The following IFT172 variants were observed in gnomAD, a reference collection of about 807,000 sequenced individuals.
IFT172 encodes intraflagellar transport protein 172 homolog.
In IFT172, 164 loss-of-function variants were observed where a neutral mutation model predicts 248.9. That is an observed-to-expected ratio of 0.66 (90% CI 0.58 to 0.75). IFT172 has a LOEUF of 0.75. Ranked by LOEUF, IFT172 falls within the 30% of genes least tolerant of loss-of-function variation. The pLI is 0.00. For synonymous variants in IFT172, 729 were observed against 791.6 expected (o/e 0.92, Z 1.33); for missense variants, 1,950 against 2,192.4 (o/e 0.89, Z 2.21).
At chr2:27,461,907 C>T in intron 20 of IFT172, 71 bp from the exon 21 acceptor site, 1 of 1,565,494 alleles carries the variant, frequency 6.4e-7, no homozygotes, top group Non-Finnish European at 8.8e-7. Context: ...AAGCTCTCCT[C>T]AGCCTGGCTA....
Position 27,453,518 on chromosome 2 carries a change from G to T in IFT172, c.3822-5C>A, listed in dbSNP as rs1041182585. On this transcript the variant is annotated splice_polypyrimidine_tract_variant and splice_region_variant and intron_variant, in intron 34 of 47. Transcript: ENST00000260570. Reference sequence around the variant, plus strand: ...TCCACAAATCCCTCCACACCCCTGTGGAGATGAGAGCGCTGGGACTTGGCA... The same window carrying T: ...TCCACAAATCCCTCCACACCCCTGTTGAGATGAGAGCGCTGGGACTTGGCA... 1.2e-6 allele frequency: 2 copies of T among 1,613,652 alleles called. No homozygotes were observed. The highest frequency in any genetic ancestry group is 1.7e-6 in the Non-Finnish European group (2 of 1,179,692).
At chr2:27,476,802 T>A in intron 13 of IFT172, 76 bp from the exon 14 acceptor site, 2 of 817,076 alleles carry the variant, frequency 2.4e-6, no homozygotes, top group Non-Finnish European at 4.2e-6. Context: ...TGAAGTACCA[T>A]ATGGGATGAA....
At chr2:27,469,878 G>C (rs921166248) in intron 16 of IFT172, among the ~76,000 whole-genome samples, 1 of 151,988 alleles carries the variant, frequency 6.6e-6, no homozygotes. Flanking sequence ...AATAAGATTA[G>C]AACTAAAATA....
chr2:27,445,389 C>G lies in IFT172; in HGVS notation c.4975G>C (p.Glu1659Gln), dbSNP rs1488810130. 4 of 1,612,768 alleles carry G rather than the reference C, an allele frequency of 2.5e-6. No individual in the cohort carries two copies. The highest frequency in any genetic ancestry group is 1.3e-5 in the African/African-American group (1 of 74,860). ...VLTVSMDQRL[E>Q]QVLPRDERGA... ...CGCTCATCCCGAGGCAGAACCTGCTCCAGCCGCTGGTCCATGGAGACTGTA... is the reference window on the plus strand; with the variant it reads ...CGCTCATCCCGAGGCAGAACCTGCTGCAGCCGCTGGTCCATGGAGACTGTA... The change falls in exon 46 of 48, where the codon GAG becomes CAG. Residue 1659 changes from glutamate to glutamine, a missense_variant. Transcript: ENST00000260570. This position sits in a 1 kb window ranked among gnomAD's most constrained non-coding sequence, Gnocchi z 4.4.
At chr2:27,453,926 T>C in intron 33 of IFT172, 56 bp downstream of exon 33, 1 of 1,547,444 alleles carries the variant, frequency 6.5e-7, no homozygotes. Context: ...TGTGGCTCTC[T>C]GTGGGCTCTT....
Position 27,484,264 on chromosome 2 carries a change from C to T in IFT172, c.299G>A (p.Gly100Asp), listed in dbSNP as rs77414825. ...CTTGTTGCAGATGACTTTCTTGTCA[C>T]CCCTGCCAAACAAAAGAAGGGGAAA... Reference protein sequence around the residue: ...IYVYKIGEDWGDKKVICNKFI... With the variant: ...IYVYKIGEDWDDKKVICNKFI... Residue 100 changes from glycine (G) to aspartate (D), a missense_variant and splice_region_variant, in exon 4 of 48, where the codon GGT becomes GAT. By Grantham distance (94) the Gly-to-Asp change is moderately conservative. Coordinates refer to ENST00000260570, the MANE Select transcript of IFT172 (RefSeq NM_015662.3). The T allele has an allele frequency of 1.2e-6, 2 of 1,613,882 alleles. No homozygotes were observed. Among genetic ancestry groups the T allele is most frequent in the Non-Finnish European group, 1.7e-6 (2 of 1,179,862 alleles).
At chr2:27,489,490 G>T in intron 1 of IFT172, 125 bp downstream of exon 1, 1 of 685,246 alleles carries the variant, frequency 1.5e-6, no homozygotes, top group Non-Finnish European at 2.5e-6. Flanking sequence ...CCAAGATCCA[G>T]ATCATCGCTA....
At position 27,461,028 on chromosome 2, in the gene IFT172, G is replaced by C. The variant is rs537094673; in HGVS notation, c.2508C>G (p.Asn836Lys). The change falls in exon 23 of 48, where the codon AAC becomes AAG. Residue 836 changes from asparagine (N) to lysine (K), a missense_variant. This residue lies in a region of IFT172 where 1,166 missense variants were observed against 1,254.1 expected (regional missense o/e 0.93). Transcript: ENST00000260570. ...GGTGGCTAGTACCTTTCATGAATGC[G>C]TTGCCTTTACGGTAGCACTCCAGGG... ...QKALECYRKG[N>K]AFMKAVELAR... 2 of 1,614,100 alleles carry C rather than the reference G, an allele frequency of 1.2e-6. No homozygotes were observed. Among genetic ancestry groups the C allele is most frequent in the Non-Finnish European group, 1.7e-6 (2 of 1,180,028 alleles).
chr2:27,482,295 T>C lies in IFT172; in HGVS notation c.570+994A>G, dbSNP rs185731929. Among the ~76,000 whole-genome samples, 1,374 of 150,604 alleles carry C rather than the reference T, an allele frequency of 9.1e-3. 9 individuals are homozygous for C. Among genetic ancestry groups the C allele is most frequent in the Non-Finnish European group, 0.013 (895 of 67,704 alleles). ...ACTGTGCCCGGCCTATACAAGTAAT[T>C]CTTTTTTTTTTTGAGATGGCATTTC... is the stretch of plus-strand genomic sequence containing the variant. On this transcript the variant is annotated intron_variant, in intron 7 of 47. Coordinates refer to ENST00000260570, the MANE Select transcript of IFT172 (RefSeq NM_015662.3).
rs1013627242 is a variant in IFT172 at position 27,465,749 on chromosome 2, A to G, written c.1826T>C (p.Ile609Thr). 1 of 1,613,970 alleles carries G rather than the reference A, an allele frequency of 6.2e-7. No homozygotes were observed. Among genetic ancestry groups the G allele is most frequent in the South Asian group, 1.1e-5 (1 of 91,062 alleles). The change falls in exon 17 of 48, where the codon ATC (isoleucine) becomes ACC (threonine). Residue 609 changes from isoleucine to threonine, a missense_variant. This residue lies in a region of IFT172 where 1,166 missense variants were observed against 1,254.1 expected (regional missense o/e 0.93). Transcript: ENST00000260570. ...FGTAIDDGNYIRATAFLETLE... is the reference protein window; with the variant it reads ...FGTAIDDGNYTRATAFLETLE... ...TGGTTATTGGCCAGCCTCTCACCGG[A>G]TGTAGTTGCCATCATCAATGGCTGT...
intron 4 of IFT172, 102 bp downstream of exon 4, chr2:27,484,125 A>C (rs113188351): frequency 1.3e-6 from 2 of 1,517,112 alleles, no homozygotes; most frequent in Non-Finnish European, 1.8e-6. Context: ...AGGAAAAGTC[A>C]CATTCAGATG....
chr2:27,447,433 C>A, intron 42 of IFT172, 82 bp downstream of exon 42: 1 of 1,540,914 alleles, frequency 6.5e-7, no homozygotes, highest in Non-Finnish European at 8.8e-7. Flanking sequence ...GCTGAAGAAT[C>A]CAGAACGTGA....
chr2:27,446,248 G>A lies in IFT172; in HGVS notation c.4755+12C>T. ...CCTCCTATCTGCCCCACCCTTCCTT[G>A]TCCCAGCTCACCTTGGCAGCAATGC... On this transcript the variant is annotated intron_variant, in intron 43 of 47. Coordinates refer to ENST00000260570, the MANE Select transcript of IFT172 (RefSeq NM_015662.3). 6.2e-7 allele frequency: 1 copy of A among 1,612,836 alleles called. No homozygotes were observed. Among genetic ancestry groups the A allele is most frequent in the Non-Finnish European group, 8.5e-7 (1 of 1,178,934 alleles).
chr2:27,477,054 G>T, intron 13 of IFT172, 163 bp downstream of exon 13: 2 of 687,098 alleles, frequency 2.9e-6, no homozygotes, highest in Non-Finnish European at 2.6e-6. Context: ...TGAACTCCTG[G>T]ACTCAAGTAA....
rs768020982 is a variant in IFT172 at position 27,463,230 on chromosome 2, TC to T, written c.1938-50del. 2.7e-6 allele frequency: 4 copies of T among 1,509,380 alleles called. No individual in the cohort carries two copies. In the South Asian group the frequency reaches 4.6e-5, roughly 17 times the overall value. 93.5% of individuals were successfully genotyped at this position (1,509,380 alleles called of 1,614,324 possible). ...TAATAGTAATATTATTATAGAATCA[TC>T]ATTAATTCATTGGTTCAGCAAATAC... On this transcript the variant is annotated intron_variant, in intron 18 of 47. Transcript: ENST00000260570.
chr2:27,468,540 A>G (rs1279788996), intron 16 of IFT172, among the ~76,000 whole-genome samples: 1 of 152,058 alleles, frequency 6.6e-6, no homozygotes, highest in East Asian at 1.9e-4. Flanking sequence ...GGTCCTAAAA[A>G]AGAAGACTTT....
intron 7 of IFT172, 143 bp downstream of exon 7, chr2:27,483,146 G>A: frequency 1.6e-6 from 1 of 607,880 alleles, no homozygotes; most frequent in Admixed American, 2.8e-5. Flanking sequence ...TGGGACTACA[G>A]GCCCATGCCA....
In IFT172 at chr2:27,445,373, C is replaced by T. The variant is rs749884570; in HGVS notation, c.4991G>A (p.Arg1664Gln). 5 of 1,612,852 alleles carry T rather than the reference C, an allele frequency of 3.1e-6. No individual in the cohort carries two copies. The African/African-American group carries it at 4.0e-5, about 13-fold the overall frequency. Residue 1664 changes from arginine (R) to glutamine (Q), a missense_variant, in exon 46 of 48, where the codon CGG becomes CAG. This residue lies in a region of IFT172 where 620 missense variants were observed against 699.0 expected (regional missense o/e 0.89). Coordinates refer to ENST00000260570, the MANE Select transcript of IFT172 (RefSeq NM_015662.3). This position sits in a 1 kb window ranked among gnomAD's most constrained non-coding sequence, Gnocchi z 4.4. ...GGCCTCGTAGGCGCCACGCTCATCC[C>T]GAGGCAGAACCTGCTCCAGCCGCTG... ...MDQRLEQVLP[R>Q]DERGAYEASL...
chr2:27,473,774 A>G (rs1667762888), intron 14 of IFT172, among the ~76,000 whole-genome samples: 1 of 152,118 alleles, frequency 6.6e-6, no homozygotes, highest in African/African-American at 2.4e-5. Context: ...AAGGGTTGAT[A>G]GCCCAAAAAA....
Sources: allele counts gnomAD v4.1 joint callset (sites outside exome capture counted in the v4.1 genomes callset), GRCh38; gene constraint gnomAD v4.1.1; regional missense constraint gnomAD v4.1.1; non-coding constraint Gnocchi (gnomAD v3.1); transcripts MANE v1.5; gene names NCBI Gene and HGNC (gene_info 2026-07-23, HGNC 2026-07-21).